BAZ2B: variants seen among roughly 807,000 people sequenced by gnomAD.
The protein encoded by BAZ2B is bromodomain adjacent to zinc finger domain protein 2B.
In BAZ2B, 91 loss-of-function variants were observed where a neutral mutation model predicts 246.0. The observed-to-expected ratio is 0.37, with a 90% confidence interval of 0.31 to 0.44. BAZ2B has a LOEUF of 0.44. Among genes scored for constraint, BAZ2B ranks in the 20% least tolerant of loss-of-function variants. BAZ2B has a pLI of 1.00. For missense variants in BAZ2B, 2,332 were observed against 2,533.7 expected (o/e 0.92, Z 1.71); for synonymous variants, 855 against 860.0 (o/e 0.99, Z 0.10).
the BAZ2B span, among the ~76,000 whole-genome samples, chr2:159,687,052 A>AAAAC: frequency 6.6e-6 from 1 of 151,496 alleles, no homozygotes; most frequent in African/African-American, 2.4e-5. Context: ...AAAAAAAAAA[A>AAAAC]AAAAAAGGCA....
chr2:159,485,131 A>G (rs945444212), intron 2 of BAZ2B, among the ~76,000 whole-genome samples: 14 of 152,266 alleles, frequency 9.2e-5, no homozygotes, highest in African/African-American at 3.1e-4. Context: ...CAAGTTCAAT[A>G]TTTTCTAAAA....
Position 159,350,062 on chromosome 2 carries a change from A to T in BAZ2B, c.4509T>A (p.Ser1503Arg). Residue 1503 changes from serine (S) to arginine (R), a missense_variant, in exon 28 of 37, where the codon AGT (serine) becomes AGA (arginine). Physicochemically the swap from Ser to Arg is moderately radical, Grantham distance 110. Transcript: ENST00000392783. ...GAACGCTGCCCAGTGAATGTTTTCC[A>T]CTGTTCTGATAAGACAACGTGCACC... ...ANGCTLSYQNSGKHSLGSVQS... is the reference protein window; with the variant it reads ...ANGCTLSYQNRGKHSLGSVQS... 6.2e-7 allele frequency: 1 copy of T among 1,614,042 alleles called. No individual in the cohort carries two copies. The highest frequency in any genetic ancestry group is 8.5e-7 in the Non-Finnish European group (1 of 1,179,992).
intron 1 of BAZ2B, among the ~76,000 whole-genome samples, chr2:159,576,509 A>G (rs71423020): frequency 6.7e-6 from 1 of 148,910 alleles, no homozygotes; most frequent in Admixed American, 6.7e-5. Context: ...ATCATCATGC[A>G]CCAATCAGAT....
intron 1 of BAZ2B, among the ~76,000 whole-genome samples, chr2:159,564,447 T>C (rs964178156): frequency 2.6e-5 from 4 of 152,164 alleles, no homozygotes; most frequent in Non-Finnish European, 5.9e-5. Flanking sequence ...TGGAATGATC[T>C]TGGGGATATG....
At position 159,320,068 on chromosome 2, in the gene BAZ2B, C is replaced by T. The variant is rs2062519953; in HGVS notation, c.*197G>A. ...TAAATTAGCTGATAAATCACACAAA[C>T]CAATAACCGAGGGCCTTGGTTGTTG... On this transcript the variant is annotated 3_prime_UTR_variant, in exon 37 of 37. Coordinates refer to ENST00000392783, the MANE Select transcript of BAZ2B (RefSeq NM_013450.4). 1 of 448,836 alleles carries T rather than the reference C, an allele frequency of 2.2e-6. No individual in the cohort carries two copies. The highest frequency in any genetic ancestry group is 2.1e-5 in the African/African-American group (1 of 48,584). 27.8% of individuals were successfully genotyped at this position (448,836 alleles called of 1,614,324 possible).
chr2:159,345,111 T>C (rs892542604), intron 31 of BAZ2B, among the ~76,000 whole-genome samples: 1 of 151,676 alleles, frequency 6.6e-6, no homozygotes, highest in Non-Finnish European at 1.5e-5. Context: ...TCAGGAAGGC[T>C]GAGGCAGGAG....
rs547099440 is a variant in BAZ2B, at chr2:159,349,663, T to C, written c.4863+45A>G. ...GCAAAAATCTCCATGGGGTCAAAGA[T>C]TACATAAAGCAATATAAAAATGAGT... On this transcript the variant is annotated intron_variant, in intron 28 of 36. Coordinates refer to ENST00000392783, the MANE Select transcript of BAZ2B (RefSeq NM_013450.4). 2.3e-4 allele frequency: 351 copies of C among 1,519,064 alleles called. 2 individuals carry two copies. In the South Asian group the frequency reaches 4.1e-3, roughly 18 times the overall value. 94.1% of individuals were successfully genotyped at this position (1,519,064 alleles called of 1,614,324 possible).
At chr2:159,639,879 T>C in the BAZ2B span, among the ~76,000 whole-genome samples, 1 of 151,836 alleles carries the variant, frequency 6.6e-6, no homozygotes, top group African/African-American at 2.4e-5. Flanking sequence ...GTAAATAGAC[T>C]AAACTCTCCA....
chr2:159,388,249 A>G (rs1176835314), intron 21 of BAZ2B, among the ~76,000 whole-genome samples: 1 of 152,138 alleles, frequency 6.6e-6, no homozygotes. Flanking sequence ...TAATATAGAG[A>G]TGAAATGCAT....
chr2:159,420,903 T>G (rs990335861), intron 13 of BAZ2B, among the ~76,000 whole-genome samples: 1 of 152,214 alleles, frequency 6.6e-6, no homozygotes, highest in Non-Finnish European at 1.5e-5. Context: ...TTTTCAAAGG[T>G]GTTTCTTAAA....
At chr2:159,333,419 A>G (rs189921405) in intron 33 of BAZ2B, among the ~76,000 whole-genome samples, 152 of 152,246 alleles carry the variant, frequency 1.0e-3, no homozygotes, top group Middle Eastern at 3.4e-3. Context: ...AATATAATTA[A>G]AGACTTTAAA....
intron 1 of BAZ2B, among the ~76,000 whole-genome samples, chr2:159,557,718 A>T (rs1371524632): frequency 6.6e-6 from 1 of 152,222 alleles, no homozygotes; most frequent in African/African-American, 2.4e-5. Flanking sequence ...CTGGAACCCA[A>T]TAGCTAATTA....
chr2:159,657,287 T>C, the BAZ2B span, among the ~76,000 whole-genome samples: 2 of 152,218 alleles, frequency 1.3e-5, no homozygotes, highest in East Asian at 1.9e-4. Context: ...CAAAGATCCA[T>C]TGACTATTCT....
chr2:159,505,680 T>C (rs1341911514), intron 2 of BAZ2B, among the ~76,000 whole-genome samples: 1 of 152,018 alleles, frequency 6.6e-6, no homozygotes, highest in Non-Finnish European at 1.5e-5. Flanking sequence ...ATATAAAGAA[T>C]GGGAAAAATA....
intron 1 of BAZ2B, among the ~76,000 whole-genome samples, chr2:159,575,803 T>A (rs1270118754): frequency 6.6e-6 from 1 of 152,162 alleles, no homozygotes; most frequent in African/African-American, 2.4e-5. Flanking sequence ...CTCAAGAATA[T>A]CATTTTCAAA....
chr2:159,444,455 T>C (rs2073945230), intron 6 of BAZ2B: 2 of 152,272 alleles, frequency 1.3e-5, no homozygotes, highest in South Asian at 4.1e-4. Flanking sequence ...CTGGAAAATG[T>C]TTTCTATTGA....
At chr2:159,524,326 G>A (rs762245770) in intron 2 of BAZ2B, among the ~76,000 whole-genome samples, 39 of 152,156 alleles carry the variant, frequency 2.6e-4, no homozygotes, top group Admixed American at 5.2e-4. Flanking sequence ...ATGGTGGTGC[G>A]CGCCTGTTGT....
At chr2:159,378,934 C>G (rs892469800) in intron 25 of BAZ2B, among the ~76,000 whole-genome samples, 3 of 152,072 alleles carry the variant, frequency 2.0e-5, no homozygotes, top group Non-Finnish European at 4.4e-5. Flanking sequence ...ATGGAAAACA[C>G]TATAAAGGCT....
the BAZ2B span, among the ~76,000 whole-genome samples, chr2:159,637,023 C>T: frequency 6.6e-6 from 1 of 152,150 alleles, no homozygotes; most frequent in African/African-American, 2.4e-5. Flanking sequence ...AGTCCTTGGG[C>T]CCTGAATAAC....
Sources: allele counts gnomAD v4.1 joint callset (sites outside exome capture counted in the v4.1 genomes callset), GRCh38; gene constraint gnomAD v4.1.1; transcripts MANE v1.5; gene names NCBI Gene and HGNC (gene_info 2026-07-23, HGNC 2026-07-21).